The following SRGAP3 variants were observed in gnomAD, a reference collection of about 807,000 sequenced individuals.
SRGAP3 encodes SLIT-ROBO Rho GTPase activating protein 3, also known as SLIT-ROBO Rho GTPase-activating protein 3.
In SRGAP3, 39 loss-of-function variants were observed where a neutral mutation model predicts 121.1. The ratio of observed to expected loss-of-function variants is 0.32; its 90% CI spans 0.25 to 0.42. The LOEUF is 0.42. Ranked by LOEUF, SRGAP3 falls within the 10% of genes least tolerant of loss-of-function variation. The pLI is 1.00. For missense variants in SRGAP3, 1,213 were observed against 1,470.6 expected (o/e 0.82, Z 2.86); for synonymous variants, 601 against 570.0 (o/e 1.05, Z -0.77).
At chr3:8,986,981 AC>A (rs1437864128) in intron 21 of SRGAP3, among the ~76,000 whole-genome samples, 1 of 152,180 alleles carries the variant, frequency 6.6e-6, no homozygotes, top group African/African-American at 2.4e-5. Flanking sequence ...GCAGCATTTA[AC>A]CCAAGAGCCC....
intron 1 of SRGAP3, among the ~76,000 whole-genome samples, chr3:9,207,917 T>C (rs1236351630): frequency 1.3e-5 from 2 of 152,230 alleles, no homozygotes; most frequent in African/African-American, 4.8e-5. Flanking sequence ...TTGTTGCTCT[T>C]ATGGAACATA....
intron 1 of SRGAP3, among the ~76,000 whole-genome samples, chr3:9,354,214 G>C (rs1465515489): frequency 6.6e-6 from 1 of 152,112 alleles, no homozygotes. Context: ...AATTGAAAAA[G>C]CAAGAAATGG....
rs765408588 is a variant in SRGAP3 at position 9,262,534 on chromosome 3, C to CAAAAAAAAAAAAAAAAAAAAAAAAAA, written n.442+63475_442+63476insTTTTTTTTTTTTTTTTTTTTTTTTTT. On this transcript the variant is annotated intron_variant and non_coding_transcript_variant, in intron 3 of 3. Transcript: ENST00000490889. ...GAAGATTTACCAAGCAAATGGAAAGCAAAAAAAAAAAAAAAAAAAAAAGCA... is the reference window on the plus strand; with the variant it reads ...GAAGATTTACCAAGCAAATGGAAAGCAAAAAAAAAAAAAAAAAAAAAAAAAAAAAAAAAAAAAAAAAAAAAAAAGCA... Among the ~76,000 whole-genome samples the CAAAAAAAAAAAAAAAAAAAAAAAAAA allele has an allele frequency of 3.1e-4, 8 of 25,568 alleles. 2 individuals carry two copies. Among genetic ancestry groups the CAAAAAAAAAAAAAAAAAAAAAAAAAA allele is most frequent in the Non-Finnish European group, 5.3e-4 (7 of 13,268 alleles). 16.8% of individuals were successfully genotyped at this position (25,568 alleles called of 152,430 possible).
intron 1 of SRGAP3, among the ~76,000 whole-genome samples, chr3:9,133,749 T>G (rs916580072): frequency 1.3e-5 from 2 of 152,220 alleles, no homozygotes; most frequent in African/African-American, 2.4e-5. Context: ...ATATCAAGAC[T>G]GCTAAACTGC....
At chr3:9,345,424 G>A (rs1236019975) in intron 1 of SRGAP3, among the ~76,000 whole-genome samples, 6 of 151,952 alleles carry the variant, frequency 3.9e-5, no homozygotes, top group Non-Finnish European at 7.4e-5. Flanking sequence ...GAAGGCTACA[G>A]TGAGCCATAA....
chr3:9,010,498 T>C (rs1043744314), intron 17 of SRGAP3, 111 bp from the exon 18 acceptor site: 2 of 1,122,634 alleles, frequency 1.8e-6, no homozygotes, highest in Non-Finnish European at 2.7e-6. Context: ...GCAGCTCAGA[T>C]GCAGGCCTAT....
intron 1 of SRGAP3, among the ~76,000 whole-genome samples, chr3:9,154,810 C>T (rs1575156260): frequency 6.6e-6 from 1 of 151,822 alleles, no homozygotes; most frequent in East Asian, 1.9e-4. Context: ...AAACACCAAA[C>T]TTCCTTCCCA....
chr3:9,056,270 T>C lies in SRGAP3; in HGVS notation c.1088A>G (p.Gln363Arg). 1 of 1,614,130 alleles carries C rather than the reference T, an allele frequency of 6.2e-7. No homozygotes were observed. The highest frequency in any genetic ancestry group is 8.5e-7 in the Non-Finnish European group (1 of 1,180,034). The change falls in exon 8 of 22, where the codon CAG becomes CGG. Residue 363 changes from glutamine (Q) to arginine (R), a missense_variant. Coordinates refer to ENST00000383836, the MANE Select transcript of SRGAP3 (RefSeq NM_014850.4). ...TATCTTGAGGGTGGCCAGTCTGGAC[T>C]GCAGCTGGTGATAACGCATGAGCAG... ...TELLMRYHQL[Q>R]SRLATLKIEN...
chr3:9,072,128 G>A (rs909679076), intron 4 of SRGAP3, among the ~76,000 whole-genome samples: 1 of 152,114 alleles, frequency 6.6e-6, no homozygotes, highest in Non-Finnish European at 1.5e-5. Flanking sequence ...ATCCCAACCG[G>A]CCAGGCTCAG....
At chr3:9,104,441 T>C (rs754377523) in intron 3 of SRGAP3, among the ~76,000 whole-genome samples, 22 of 152,204 alleles carry the variant, frequency 1.4e-4, no homozygotes, top group Non-Finnish European at 2.5e-4. Flanking sequence ...ATGCAAAGGT[T>C]TTCATTTTTG....
At chr3:9,289,892 G>A (rs142307413) in intron 3 of SRGAP3, among the ~76,000 whole-genome samples, 47 of 152,296 alleles carry the variant, frequency 3.1e-4, no homozygotes, top group African/African-American at 1.1e-3. Flanking sequence ...CAGATCACTT[G>A]AGGTCAGGAG....
chr3:9,281,947 T>C (rs1445288591), intron 3 of SRGAP3, among the ~76,000 whole-genome samples: 2 of 152,226 alleles, frequency 1.3e-5, no homozygotes, highest in Non-Finnish European at 2.9e-5. Context: ...ACTACAGGCA[T>C]GAGCCACTGT....
chr3:9,127,538 C>T (rs1197332737), intron 1 of SRGAP3, among the ~76,000 whole-genome samples: 1 of 152,210 alleles, frequency 6.6e-6, no homozygotes, highest in Non-Finnish European at 1.5e-5. Flanking sequence ...ACCTCCGCCT[C>T]CTGGGTTCAA....
At chr3:9,345,584 AC>A (rs975336590) in intron 1 of SRGAP3, among the ~76,000 whole-genome samples, 4 of 151,846 alleles carry the variant, frequency 2.6e-5, no homozygotes, top group African/African-American at 9.7e-5. Context: ...GGAGTTTAAA[AC>A]CAGCCATAGC....
At chr3:9,350,278 C>T (rs966741775) in intron 1 of SRGAP3, among the ~76,000 whole-genome samples, 1 of 152,122 alleles carries the variant, frequency 6.6e-6, no homozygotes, top group Admixed American at 6.5e-5. Flanking sequence ...GAGAACAAAA[C>T]AGATGAAAAT....
chr3:9,205,880 G>T (rs1952248516), intron 1 of SRGAP3, among the ~76,000 whole-genome samples: 1 of 152,180 alleles, frequency 6.6e-6, no homozygotes, highest in African/African-American at 2.4e-5. Context: ...AGTCACGAAA[G>T]GTCAAACAGT....
intron 1 of SRGAP3, chr3:9,355,950 C>T (rs556707172): frequency 6.6e-6 from 1 of 152,258 alleles, no homozygotes; most frequent in South Asian, 2.1e-4. Flanking sequence ...CTGGAATCCA[C>T]TCCTGCAATA....
At chr3:9,362,003 C>A (rs554083878) in intron 1 of SRGAP3, among the ~76,000 whole-genome samples, 1 of 151,962 alleles carries the variant, frequency 6.6e-6, no homozygotes. Context: ...CATAAATATT[C>A]GTGACCCCTC....
Position 9,274,593 on chromosome 3 carries a change from G to A in SRGAP3, n.442+51417C>T, listed in dbSNP as rs181336825. On this transcript the variant is annotated intron_variant and non_coding_transcript_variant, in intron 3 of 3. Coordinates refer to the SRGAP3 transcript ENST00000490889. ...AGGACAGCTTAAGTGTTAACAGCTC[G>A]GTGGAGGGTCAGTGTGACAGCCTTT... Among the ~76,000 whole-genome samples the A allele has an allele frequency of 5.9e-5, 9 of 152,310 alleles. No individual in the cohort carries two copies. In the East Asian group the frequency reaches 7.7e-4, roughly 13 times the overall value.
Sources: allele counts gnomAD v4.1 joint callset (sites outside exome capture counted in the v4.1 genomes callset), GRCh38; gene constraint gnomAD v4.1.1; transcripts MANE v1.5; gene names NCBI Gene and HGNC (gene_info 2026-07-23, HGNC 2026-07-21).